Variants in XIRP2 observed in about 807,000 individuals in gnomAD.
XIRP2 encodes the protein xin actin binding repeat containing 2, also known as xin actin-binding repeat-containing protein 2.
XIRP2 carries 236 observed loss-of-function variants against 277.0 expected under a neutral mutation model. The observed-to-expected ratio is 0.85, with a 90% CI of 0.77 to 0.95. The LOEUF is 0.95. Among genes scored for constraint, XIRP2 ranks in the 40% least tolerant of loss-of-function variants. XIRP2 has a pLI of 0.00. For synonymous variants in XIRP2, 1,490 were observed against 1,416.5 expected (o/e 1.05, Z -1.17); for missense variants, 4,640 against 4,157.5 (o/e 1.12, Z -3.19).
chr2:166,923,482 C>G (rs957802954), intron 2 of XIRP2, among the ~76,000 whole-genome samples: 2 of 151,994 alleles, frequency 1.3e-5, no homozygotes, highest in African/African-American at 4.8e-5. Flanking sequence ...ATACTTTTAA[C>G]AAGCAAATTT....
chr2:167,089,434 A>G (rs984640344), intron 2 of XIRP2, among the ~76,000 whole-genome samples: 2 of 152,146 alleles, frequency 1.3e-5, no homozygotes, highest in African/African-American at 4.8e-5. Context: ...TTGCCTCAAG[A>G]CAGTCATCAC....
intron 2 of XIRP2, among the ~76,000 whole-genome samples, chr2:166,995,355 A>T (rs1488518146): frequency 6.6e-6 from 1 of 152,166 alleles, no homozygotes; most frequent in African/African-American, 2.4e-5. Context: ...TCTCTAAGTG[A>T]TGCTTTAAGT....
At chr2:166,931,839 T>C (rs1339864552) in intron 2 of XIRP2, among the ~76,000 whole-genome samples, 1 of 152,188 alleles carries the variant, frequency 6.6e-6, no homozygotes, top group Non-Finnish European at 1.5e-5. Context: ...TTTAACTGAT[T>C]AATACAAGTA....
chr2:167,207,674 G>A (rs956829525), intron 3 of XIRP2, among the ~76,000 whole-genome samples: 1 of 151,996 alleles, frequency 6.6e-6, no homozygotes, highest in African/African-American at 2.4e-5. Flanking sequence ...ATATGTTTGA[G>A]GCTTGAGAAA....
chr2:166,891,001 G>A (rs890599286), intron 1 of XIRP2, among the ~76,000 whole-genome samples: 5 of 152,176 alleles, frequency 3.3e-5, no homozygotes, highest in Admixed American at 2.0e-4. Context: ...AAATAATGCA[G>A]CTCCCAGAGC....
intron 2 of XIRP2, among the ~76,000 whole-genome samples, chr2:167,092,718 C>T (rs908241603): frequency 6.6e-6 from 1 of 152,062 alleles, no homozygotes; most frequent in African/African-American, 2.4e-5. Flanking sequence ...CTACCAAAGC[C>T]ATGACTTCAT....
intron 2 of XIRP2, among the ~76,000 whole-genome samples, chr2:167,063,660 CT>C (rs1347272904): frequency 2.6e-5 from 4 of 151,710 alleles, no homozygotes; most frequent in Non-Finnish European, 5.9e-5. Flanking sequence ...AAACTGACAC[CT>C]TTTCATTATA....
intron 2 of XIRP2, among the ~76,000 whole-genome samples, chr2:166,971,212 C>T (rs558051666): frequency 6.6e-6 from 1 of 152,000 alleles, no homozygotes; most frequent in South Asian, 2.1e-4. Flanking sequence ...TCTCTTTCTT[C>T]CCCTAGAACA....
At chr2:166,927,441 CTG>C (rs1558918776) in intron 2 of XIRP2, among the ~76,000 whole-genome samples, 2 of 152,062 alleles carry the variant, frequency 1.3e-5, no homozygotes, top group African/African-American at 2.4e-5. Flanking sequence ...GGCTCTAAGA[CTG>C]TTAAAATTCT....
chr2:166,997,675 G>A (rs1413531329), intron 2 of XIRP2, among the ~76,000 whole-genome samples: 3 of 152,124 alleles, frequency 2.0e-5, no homozygotes, highest in Non-Finnish European at 4.4e-5. Context: ...GGGAGGCTGA[G>A]GCAGGTAGAT....
At chr2:167,116,222 G>C (rs1490310423) in intron 2 of XIRP2, among the ~76,000 whole-genome samples, 1 of 152,108 alleles carries the variant, frequency 6.6e-6, no homozygotes, top group Non-Finnish European at 1.5e-5. Context: ...ATTAAATGTT[G>C]AGAGAGAGGT....
At chr2:167,229,516 T>C (rs1232006954) in intron 5 of XIRP2, among the ~76,000 whole-genome samples, 1 of 152,142 alleles carries the variant, frequency 6.6e-6, no homozygotes, top group Non-Finnish European at 1.5e-5. Flanking sequence ...ATCTGCAAAA[T>C]GCTTTTTCCA....
intron 3 of XIRP2, among the ~76,000 whole-genome samples, chr2:167,157,045 A>G (rs771562143): frequency 1.3e-5 from 2 of 152,140 alleles, no homozygotes; most frequent in African/African-American, 2.4e-5. Context: ...TTCCCACTAC[A>G]AAGTAATGAA....
intron 2 of XIRP2, among the ~76,000 whole-genome samples, chr2:167,115,533 TTTC>T (rs1159857724): frequency 6.6e-6 from 1 of 152,192 alleles, no homozygotes; most frequent in East Asian, 1.9e-4. Context: ...GTTTGGCTTT[TTTC>T]TTCTTTGATG....
intron 2 of XIRP2, among the ~76,000 whole-genome samples, chr2:166,924,962 A>G (rs1202747020): frequency 6.6e-6 from 1 of 152,110 alleles, no homozygotes; most frequent in East Asian, 1.9e-4. Flanking sequence ...AATCCTTTTT[A>G]TTATTAAGAA....
intron 2 of XIRP2, among the ~76,000 whole-genome samples, chr2:167,105,144 TAA>T (rs1252080850): frequency 2.0e-5 from 3 of 152,044 alleles, no homozygotes; most frequent in African/African-American, 4.8e-5. Context: ...TTGTAAGAAA[TAA>T]AAGAGATCCC....
intron 2 of XIRP2, among the ~76,000 whole-genome samples, chr2:166,988,825 A>G (rs1687091393): frequency 1.7e-5 from 1 of 58,692 alleles, no homozygotes; most frequent in African/African-American, 7.5e-5. Flanking sequence ...CGCCCACGGA[A>G]TCTCGCTGAT....
intron 3 of XIRP2, among the ~76,000 whole-genome samples, chr2:167,137,651 G>A (rs1691593252): frequency 6.6e-6 from 1 of 152,150 alleles, no homozygotes; most frequent in Non-Finnish European, 1.5e-5. Flanking sequence ...ATTCTGGAGT[G>A]TAACCACTAT....
chr2:167,189,636 T>C (rs1412105355), intron 3 of XIRP2, among the ~76,000 whole-genome samples: 1 of 152,192 alleles, frequency 6.6e-6, no homozygotes, highest in Admixed American at 6.5e-5. Context: ...TTAATGACTT[T>C]TTTAGAACAC....
Sources: gnomAD v4.1 joint callset for allele counts (sites outside exome capture counted in the v4.1 genomes callset) on GRCh38, gnomAD v4.1.1 for gene constraint, MANE v1.5 for transcripts, NCBI Gene and HGNC (gene_info 2026-07-23, HGNC 2026-07-21) for gene names.